NUCB2: variants seen among roughly 807,000 people sequenced by gnomAD.
NUCB2 encodes the protein nucleobindin-2.
A neutral mutation model predicts 57.9 loss-of-function variants in NUCB2; 48 were observed. The observed-to-expected ratio is 0.83, with a 90% CI of 0.66 to 1.05. The LOEUF is 1.05. Ranked by LOEUF, NUCB2 falls within the 50% of genes least tolerant of loss-of-function variation. NUCB2 has a pLI of 0.00. For synonymous variants in NUCB2, 139 were observed against 152.1 expected, an observed-to-expected ratio of 0.91 and a Z score of 0.64; for missense variants, 442 against 476.2, an observed-to-expected ratio of 0.93 and a Z score of 0.67.
chr11:17,293,402 G>A (rs911208633), intron 2 of NUCB2, among the ~76,000 whole-genome samples: 8 of 151,828 alleles, frequency 5.3e-5, no homozygotes, highest in South Asian at 4.1e-4. Context: ...ACAAAAACAC[G>A]TGGAAGATAT....
At chr11:17,345,915 AC>A (rs1291083965) in intron 2 of NUCB2, among the ~76,000 whole-genome samples, 1 of 152,162 alleles carries the variant, frequency 6.6e-6, no homozygotes, top group East Asian at 1.9e-4. Context: ...AATTTTTGTT[AC>A]ATTTGAATTC....
chr11:17,304,357 G>C (rs1343050368), intron 5 of NUCB2, among the ~76,000 whole-genome samples: 2 of 151,952 alleles, frequency 1.3e-5, no homozygotes, highest in Non-Finnish European at 2.9e-5. Context: ...ACCACTCCCG[G>C]CTAATTTTTA....
intron 5 of NUCB2, 54 bp downstream of exon 5, chr11:17,301,924 G>A (rs1480005809): frequency 2.7e-6 from 4 of 1,502,702 alleles, no homozygotes; most frequent in Non-Finnish European, 3.7e-6. Flanking sequence ...TTTTGAAACA[G>A]CGTTTTACCC....
intron 8 of NUCB2, 136 bp downstream of exon 8, chr11:17,311,419 A>G (rs1186649651): frequency 1.4e-5 from 9 of 622,616 alleles, no homozygotes; most frequent in Admixed American, 3.4e-5. Context: ...CTAGGGTAAT[A>G]TGATAGTCTT....
chr11:17,332,558 A>G (rs908575129), downstream of NUCB2: 1 of 144,816 alleles, frequency 6.9e-6, no homozygotes, highest in African/African-American at 2.6e-5. Flanking sequence ...AATCCAGCCC[A>G]TTATTGCATA....
At chr11:17,277,312 G>C (rs214083) in intron 1 of NUCB2, among the ~76,000 whole-genome samples, 94,874 of 152,112 alleles carry the variant, frequency 0.62, 29,803 homozygotes, top group East Asian at 0.82. Context: ...GTCGTGATAT[G>C]CTTTTCACTT....
intron 11 of NUCB2, among the ~76,000 whole-genome samples, chr11:17,318,644 T>TCA (rs953984116): frequency 1.3e-5 from 2 of 152,098 alleles, no homozygotes; most frequent in African/African-American, 4.8e-5. Flanking sequence ...TAAAGAATGA[T>TCA]CCAGATATGT....
exon 3 of NUCB2, chr11:17,349,719 T>C (rs185494202): frequency 1.7e-4 from 26 of 152,300 alleles, no homozygotes; most frequent in Admixed American, 1.7e-3. Context: ...AAACAGATAT[T>C]GGTTGACAAA....
chr11:17,344,723 A>C (rs538395034), intron 2 of NUCB2, among the ~76,000 whole-genome samples: 1 of 152,268 alleles, frequency 6.6e-6, no homozygotes, highest in Non-Finnish European at 1.5e-5. Flanking sequence ...AAACAGGGTT[A>C]TCTTCTAAAA....
At chr11:17,300,085 A>G (rs942151641) in intron 4 of NUCB2, among the ~76,000 whole-genome samples, 3 of 151,768 alleles carry the variant, frequency 2.0e-5, no homozygotes, top group Non-Finnish European at 4.4e-5. Context: ...ATCTCAGCTT[A>G]CTACAACCTC....
In NUCB2 at chr11:17,309,568, T is replaced by G. The variant is rs375855112; in HGVS notation, c.380-4T>G. On this transcript the variant is annotated splice_region_variant and splice_polypyrimidine_tract_variant and intron_variant, in intron 5 of 13. Transcript: ENST00000529010. ...TCATTTACAGTTTTCTTATTTTCTTTCAGATATAGGCATGGACCACCAAGC... is the reference window on the plus strand; with the variant it reads ...TCATTTACAGTTTTCTTATTTTCTTGCAGATATAGGCATGGACCACCAAGC... 68 of 1,514,896 alleles carry G rather than the reference T, an allele frequency of 4.5e-5. 1 individual carries two copies. The African/African-American group carries it at 8.7e-4, about 19-fold the overall frequency. The allele number at this position is 1,514,896 out of a possible 1,614,324, so 93.8% of individuals were successfully genotyped here. A position where few individuals can be genotyped will look rare whatever the true frequency, so the allele number is the denominator to read the frequency against.
chr11:17,329,756 C>T (rs1483146156), intron 11 of NUCB2, among the ~76,000 whole-genome samples: 1 of 152,180 alleles, frequency 6.6e-6, no homozygotes, highest in Non-Finnish European at 1.5e-5. Flanking sequence ...TGTGAGTGCT[C>T]ACCTGATGTT....
intron 11 of NUCB2, among the ~76,000 whole-genome samples, chr11:17,316,919 G>A (rs1025916845): frequency 2.6e-5 from 4 of 152,166 alleles, no homozygotes; most frequent in Admixed American, 1.3e-4. Flanking sequence ...AGACATTTCT[G>A]GGCAAATTGG....
In NUCB2 at chr11:17,311,205, C is replaced by T; in HGVS notation, c.682C>T (p.Gln228Ter). Residue 228 changes from glutamine (Q) to a stop codon, truncating the protein, a stop_gained, in exon 8 of 14, where the codon CAA becomes TAA. Coordinates refer to ENST00000529010, the MANE Select transcript of NUCB2 (RefSeq NM_005013.4). LOFTEE classifies it high-confidence loss of function. ...PKVNHPGSKDQLKEVWEETDG... is the reference protein window; with the variant it reads ...PKVNHPGSKD Reference sequence around the variant, plus strand: ...AATTGGTTCACAGGGAAGCAAAGATCAACTAAAAGAGGTATGGGAAGAGAC... The same window carrying T: ...AATTGGTTCACAGGGAAGCAAAGATTAACTAAAAGAGGTATGGGAAGAGAC... 1 of 1,602,710 alleles carries T rather than the reference C, an allele frequency of 6.2e-7. No individual in the cohort carries two copies.
chr11:17,282,882 C>A lies in NUCB2; in HGVS notation c.-62C>A, dbSNP rs749480688. On this transcript the variant is annotated 5_prime_UTR_variant, in exon 2 of 14. Transcript: ENST00000529010. ...TTTGGTATTGTGCAAGTCATCTTAC[C>A]TCTCTGGATCTCAGTTGTCTCATCT... 2 of 152,016 alleles carry A rather than the reference C, an allele frequency of 1.3e-5. No individual in the cohort carries two copies. Among genetic ancestry groups the A allele is most frequent in the Non-Finnish European group, 2.9e-5 (2 of 68,002 alleles). 9.4% of individuals were successfully genotyped at this position (152,016 alleles called of 1,614,324 possible).
At chr11:17,297,408 C>T (rs1205436766) in intron 4 of NUCB2, among the ~76,000 whole-genome samples, 3 of 152,148 alleles carry the variant, frequency 2.0e-5, no homozygotes, top group African/African-American at 7.2e-5. Context: ...ATTTAGTTCG[C>T]AGCTCTCCTC....
At chr11:17,345,061 T>C (rs1952605163) in intron 2 of NUCB2, among the ~76,000 whole-genome samples, 2 of 152,252 alleles carry the variant, frequency 1.3e-5, no homozygotes, top group African/African-American at 4.8e-5. Flanking sequence ...GCTGTCTGTG[T>C]ACCAATTTGT....
intron 13 of NUCB2, 25 bp downstream of exon 13, chr11:17,331,008 A>G: frequency 2.2e-6 from 3 of 1,384,522 alleles, no homozygotes; most frequent in Non-Finnish European, 3.0e-6. Context: ...TTGATTATTT[A>G]TTTAGGAAAA....
intron 8 of NUCB2, 78 bp downstream of exon 8, chr11:17,311,361 C>A: frequency 1.9e-6 from 2 of 1,052,642 alleles, no homozygotes; most frequent in Non-Finnish European, 2.8e-6. Context: ...TTGATTTCTG[C>A]CAAGGTCTGC....
Sources: allele counts gnomAD v4.1 joint callset (sites outside exome capture counted in the v4.1 genomes callset), GRCh38; gene constraint gnomAD v4.1.1; transcripts MANE v1.5; gene names NCBI Gene and HGNC (gene_info 2026-07-23, HGNC 2026-07-21).